The following WDR82 variants were observed in gnomAD, a reference collection of about 807,000 sequenced individuals.
WDR82 encodes the protein WD repeat-containing protein 82.
Under a neutral mutation model 36.1 loss-of-function variants are expected in WDR82, and 8 were observed. The observed-to-expected ratio is 0.22, with a 90% CI of 0.13 to 0.40. The LOEUF is 0.40. WDR82 is among the 10% of genes least tolerant of loss of function. WDR82 has a pLI of 1.00. For missense variants in WDR82, 185 were observed against 400.5 expected, an observed-to-expected ratio of 0.46 and a Z score of 4.59; for synonymous variants, 129 against 137.8, an observed-to-expected ratio of 0.94 and a Z score of 0.45.
chr3:52,265,126 C>A (rs1700093911), intron 3 of WDR82, among the ~76,000 whole-genome samples: 1 of 151,402 alleles, frequency 6.6e-6, no homozygotes, highest in Non-Finnish European at 1.5e-5. Context: ...CGGTAAAACC[C>A]CATCTCTACT....
chr3:52,263,448 G>T (rs1004586969), intron 3 of WDR82, among the ~76,000 whole-genome samples: 9 of 152,204 alleles, frequency 5.9e-5, no homozygotes, highest in Non-Finnish European at 1.2e-4. Context: ...GACTACAAGG[G>T]GAAGGAGCAA....
chr3:52,273,930 T>C (rs1054573773), intron 1 of WDR82, among the ~76,000 whole-genome samples: 33 of 152,310 alleles, frequency 2.2e-4, no homozygotes, highest in Middle Eastern at 3.4e-3. Flanking sequence ...ACTCATTTCC[T>C]AACTTGAAAG....
rs1700019053 is a variant in WDR82 at position 52,257,380 on chromosome 3, A to G, written c.*110T>C. 1 of 1,461,654 alleles carries G rather than the reference A, an allele frequency of 6.8e-7. No individual in the cohort carries two copies. Among genetic ancestry groups the G allele is most frequent in the South Asian group, 1.1e-5 (1 of 87,186 alleles). The allele number at this position is 1,461,654 out of a possible 1,614,324, so 90.5% of individuals were successfully genotyped here. A position where few individuals can be genotyped will look rare whatever the true frequency, so the allele number is the denominator to read the frequency against. Reference sequence around the variant, plus strand: ...ATCCATGGGAAGGCCATGTAAAAGGATGTTCTCCAGCCCAGTCAAATGATC... The same window carrying G: ...ATCCATGGGAAGGCCATGTAAAAGGGTGTTCTCCAGCCCAGTCAAATGATC... On this transcript the variant is annotated 3_prime_UTR_variant, in exon 9 of 9. Transcript: ENST00000296490.
Position 52,259,201 on chromosome 3 carries a change from C to T in WDR82, c.765G>A (p.Met255Ile). 6.2e-7 allele frequency: 1 copy of T among 1,614,078 alleles called. No individual in the cohort carries two copies. Among genetic ancestry groups the T allele is most frequent in the Non-Finnish European group, 8.5e-7 (1 of 1,179,954 alleles). Reference sequence around the variant, plus strand: ...AGGGGATAAAAGGAAACTCACCAATCATAATAAACTGAGAGTCTGGAGTAA... The same window carrying T: ...AGGGGATAAAAGGAAACTCACCAATTATAATAAACTGAGAGTCTGGAGTAA... ...ASFTPDSQFI[M>I]IGSEDGKIHV... Residue 255 changes from methionine (M) to isoleucine (I), a missense_variant, in exon 7 of 9, where the codon ATG becomes ATA. Transcript: ENST00000296490.
Position 52,257,590 on chromosome 3 carries a change from A to G in WDR82, c.913-71T>C, listed in dbSNP as rs564246973. The stretch of plus-strand genomic sequence containing the variant: ...CACTGCCAACGGTTCTTCACATCCC[A>G]CCCCACAGCAAAAATGTGCCCAACC... On this transcript the variant is annotated intron_variant, in intron 8 of 8. Coordinates refer to ENST00000296490, the MANE Select transcript of WDR82 (RefSeq NM_025222.4). 5 of 1,597,994 alleles carry G rather than the reference A, an allele frequency of 3.1e-6. No individual in the cohort carries two copies. The South Asian group carries it at 4.4e-5, about 14-fold the overall frequency.
At chr3:52,260,713 G>T (rs1700053883) in intron 4 of WDR82, among the ~76,000 whole-genome samples, 1 of 152,134 alleles carries the variant, frequency 6.6e-6, no homozygotes, top group Admixed American at 6.6e-5. Flanking sequence ...AAACTAAAAT[G>T]AAGCTTTTAA....
At chr3:52,272,864 T>C (rs888427159) in intron 1 of WDR82, among the ~76,000 whole-genome samples, 3 of 152,264 alleles carry the variant, frequency 2.0e-5, no homozygotes, top group Non-Finnish European at 2.9e-5. Context: ...GGCCAAGGGC[T>C]TCCCTACATG....
rs1286696940 is a variant in WDR82 at position 52,262,466 on chromosome 3, T to C, written c.327-987A>G. ...AAGATGTGTGAGGACTACACAGATA[T>C]TCTCAAACCTAAGTGGCATCAGCAT... On this transcript the variant is annotated intron_variant, in intron 3 of 8. Coordinates refer to ENST00000296490, the MANE Select transcript of WDR82 (RefSeq NM_025222.4). Among the ~76,000 whole-genome samples, 3 of 152,220 alleles carry C rather than the reference T, an allele frequency of 2.0e-5. No individual in the cohort carries two copies. In the East Asian group the frequency reaches 5.8e-4, roughly 29 times the overall value.
chr3:52,268,707 G>C (rs955782388), intron 2 of WDR82, among the ~76,000 whole-genome samples: 1 of 150,362 alleles, frequency 6.7e-6, no homozygotes, highest in African/African-American at 2.4e-5. Context: ...AATCAATACA[G>C]GCAGAAGAGT....
At chr3:52,273,152 C>T (rs1280017653) in intron 1 of WDR82, among the ~76,000 whole-genome samples, 1 of 152,144 alleles carries the variant, frequency 6.6e-6, no homozygotes, top group South Asian at 2.1e-4. Context: ...AGAAACTGGC[C>T]GGGCGCAGTG....
At position 52,261,812 on chromosome 3, in the gene WDR82, A is replaced by G. The variant is rs58315325; in HGVS notation, c.327-333T>C. ...GATGCAGAGAAATTGGAACCCTCAT[A>G]CATTGCTAATGGAAATGTAAAAATG... On this transcript the variant is annotated intron_variant, in intron 3 of 8. Transcript: ENST00000296490. Among the ~76,000 whole-genome samples, 2,021 of 152,312 alleles carry G rather than the reference A, an allele frequency of 0.013. 154 individuals carry two copies. In the East Asian group the frequency reaches 0.22, roughly 16 times the overall value.
intron 3 of WDR82, among the ~76,000 whole-genome samples, chr3:52,264,140 G>A (rs1271094223): frequency 1.3e-5 from 2 of 152,146 alleles, no homozygotes; most frequent in South Asian, 2.1e-4. Context: ...TCCAGCCTGG[G>A]TGACCCGGTG....
Position 52,266,978 on chromosome 3 carries a change from G to T in WDR82, c.300C>A (p.Ile100=). The change falls in exon 3 of 9, where the codon ATC becomes ATA. Residue 100 remains isoleucine (I), a synonymous_variant. Coordinates refer to ENST00000296490, the MANE Select transcript of WDR82 (RefSeq NM_025222.4). ...TTTTGCTATGTCCAGGAAAGTATCTGATGTATTTGTTGTCATGCAAGGACA... is the reference window on the plus strand; with the variant it reads ...TTTTGCTATGTCCAGGAAAGTATCTTATGTATTTGTTGTCATGCAAGGACA... ...RYLSLHDNKY[I]RYFPGHSKRV... is the part of the protein sequence containing the mutation. 1.2e-6 allele frequency: 2 copies of T among 1,611,318 alleles called. No homozygotes were observed. The highest frequency in any genetic ancestry group is 1.1e-5 in the South Asian group (1 of 90,920).
intron 1 of WDR82, among the ~76,000 whole-genome samples, 164 bp from the exon 2 acceptor site, chr3:52,270,973 T>A (rs1444162030): frequency 6.6e-6 from 1 of 152,190 alleles, no homozygotes; most frequent in Non-Finnish European, 1.5e-5. Flanking sequence ...AAAACAACGC[T>A]CAAGCAACAG....
At position 52,267,028 on chromosome 3, in the gene WDR82, GACAA is replaced by G. The variant is rs776538009; in HGVS notation, c.260-14_260-11del. ...AAGTAACGAATAGTATCTGTAAAAA[GACAA>G]ACAAGGTATGATGATATCATACTAT... On this transcript the variant is annotated splice_polypyrimidine_tract_variant and intron_variant, in intron 2 of 8. Coordinates refer to ENST00000296490, the MANE Select transcript of WDR82 (RefSeq NM_025222.4). The G allele has an allele frequency of 2.5e-6, 4 of 1,600,956 alleles. No homozygotes were observed. The highest frequency in any genetic ancestry group is 2.6e-6 in the Non-Finnish European group (3 of 1,170,146).
At chr3:52,271,606 C>T (rs545723669) in intron 1 of WDR82, among the ~76,000 whole-genome samples, 5 of 151,044 alleles carry the variant, frequency 3.3e-5, no homozygotes, top group African/African-American at 9.7e-5. Context: ...TTTTTCAAGA[C>T]GGCAGTGATT....
chr3:52,261,030 C>T (rs1016452537), intron 4 of WDR82, among the ~76,000 whole-genome samples: 16 of 152,158 alleles, frequency 1.1e-4, no homozygotes, highest in South Asian at 1.0e-3. Flanking sequence ...GAGGCTGAGG[C>T]AGAAGAATCG....
At chr3:52,261,595 A>T in intron 3 of WDR82, 116 bp from the exon 4 acceptor site, 1 of 753,466 alleles carries the variant, frequency 1.3e-6, no homozygotes, top group Non-Finnish European at 2.0e-6. Context: ...CAAAATTGCC[A>T]TTTTAAGAAA....
At position 52,259,756 on chromosome 3, in the gene WDR82, C is replaced by G. The variant is rs745679518; in HGVS notation, c.660G>C (p.Leu220=). Residue 220 remains leucine, a synonymous_variant, in exon 6 of 9, where the codon CTG becomes CTC. Coordinates refer to ENST00000296490, the MANE Select transcript of WDR82 (RefSeq NM_025222.4). ...TCACCACTCCTTTGAATGCATCAAT[C>G]AGACGAATGAAGCTGCCGTTGGTGG... ...LISTNGSFIR[L]IDAFKGVVMH... The G allele has an allele frequency of 2.5e-6, 4 of 1,614,042 alleles. No individual in the cohort carries two copies. Among genetic ancestry groups the G allele is most frequent in the Admixed American group, 1.7e-5 (1 of 60,010 alleles).
Sources: gnomAD v4.1 joint callset for allele counts (sites outside exome capture counted in the v4.1 genomes callset) on GRCh38, gnomAD v4.1.1 for gene constraint, MANE v1.5 for transcripts, NCBI Gene and HGNC (gene_info 2026-07-23, HGNC 2026-07-21) for gene names.